PTPRN2: variants seen among roughly 807,000 people sequenced by gnomAD.
The protein encoded by PTPRN2 is receptor-type tyrosine-protein phosphatase N2.
A neutral mutation model predicts 118.8 loss-of-function variants in PTPRN2; 74 were observed. The ratio of observed to expected loss-of-function variants is 0.62; its 90% CI spans 0.52 to 0.76. The LOEUF (loss-of-function observed/expected upper bound fraction) is 0.76. Among genes scored for constraint, PTPRN2 ranks in the 30% least tolerant of loss-of-function variants. PTPRN2 has a pLI of 0.00. For missense variants in PTPRN2, 1,481 were observed against 1,394.4 expected (o/e 1.06, Z -0.99); for synonymous variants, 641 against 608.0 (o/e 1.05, Z -0.80).
At chr7:158,070,179 C>G (rs1298010227) in intron 11 of PTPRN2, among the ~76,000 whole-genome samples, 1 of 152,228 alleles carries the variant, frequency 6.6e-6, no homozygotes, top group Non-Finnish European at 1.5e-5. Context: ...CATCCAAAAG[C>G]AGGGACTGAC....
rs188542531 is a variant in PTPRN2 at position 157,611,100 on chromosome 7, C to T, written c.2345-7025G>A. The stretch of plus-strand genomic sequence containing the variant: ...AATAACCGAGCGCGAGGCTGGTGTC[C>T]GGCTTCCACACTGGACGCGTCAAAA... On this transcript the variant is annotated intron_variant, in intron 15 of 22. Transcript: ENST00000389418. The surrounding 1 kb of genome is among the most constrained non-coding windows in gnomAD (Gnocchi z 5.9). Among the ~76,000 whole-genome samples, 28 of 152,314 alleles carry T rather than the reference C, an allele frequency of 1.8e-4. 1 individual carries two copies. The highest frequency in any genetic ancestry group is 2.6e-4 in the Non-Finnish European group (18 of 68,030).
chr7:158,058,606 T>C (rs1355718677), intron 11 of PTPRN2, among the ~76,000 whole-genome samples: 3 of 85,788 alleles, frequency 3.5e-5, no homozygotes, highest in Admixed American at 2.2e-4. Flanking sequence ...GCAGCCACAC[T>C]CCATCTGCCC....
At chr7:157,667,891 G>T (rs1273878029) in intron 13 of PTPRN2, among the ~76,000 whole-genome samples, 1 of 152,234 alleles carries the variant, frequency 6.6e-6, no homozygotes, top group Non-Finnish European at 1.5e-5. Flanking sequence ...CTGGAACTGT[G>T]AGTGTGAGCC....
intron 2 of PTPRN2, among the ~76,000 whole-genome samples, chr7:158,332,366 C>T: frequency 8.8e-6 from 1 of 113,230 alleles, no homozygotes; most frequent in Non-Finnish European, 2.0e-5. Context: ...CACACTCTCA[C>T]CATAAGAGGT....
chr7:158,332,122 C>G, intron 2 of PTPRN2, among the ~76,000 whole-genome samples: 1 of 150,158 alleles, frequency 6.7e-6, no homozygotes, highest in East Asian at 1.9e-4. Flanking sequence ...AGGTCACTCA[C>G]ACCCATACTC....
intron 3 of PTPRN2, among the ~76,000 whole-genome samples, chr7:158,310,110 G>A (rs1181453002): frequency 2.6e-5 from 4 of 152,154 alleles, no homozygotes; most frequent in Non-Finnish European, 5.9e-5. Flanking sequence ...TGTGATTTTT[G>A]TGACAGCAAC....
rs1006415713 is a variant in PTPRN2, at chr7:157,729,682, G to A, written c.1789-46745C>T. Among the ~76,000 whole-genome samples the A allele has an allele frequency of 2.0e-5, 3 of 152,262 alleles. No individual in the cohort carries two copies. The highest frequency in any genetic ancestry group is 1.3e-4 in the Admixed American group (2 of 15,292). On this transcript the variant is annotated intron_variant, in intron 12 of 22. Transcript: ENST00000389418. The surrounding 1 kb of genome is among the most constrained non-coding windows in gnomAD (Gnocchi z 4.3). ...CCTGCAGGGAGGTCCTGGGAGGGTC[G>A]CTAGGGTGAGGACGCTGAGAGCCCA...
At chr7:157,771,215 C>T (rs1802782988) in intron 12 of PTPRN2, among the ~76,000 whole-genome samples, 1 of 152,312 alleles carries the variant, frequency 6.6e-6, no homozygotes, top group East Asian at 1.9e-4. Flanking sequence ...CTCTTTGGGG[C>T]GAGCCCTCCA....
At chr7:157,928,098 C>T (rs888893104) in intron 11 of PTPRN2, among the ~76,000 whole-genome samples, 2 of 152,142 alleles carry the variant, frequency 1.3e-5, no homozygotes, top group Non-Finnish European at 2.9e-5. Flanking sequence ...TGCACTGTTG[C>T]AGCACTTTAT....
chr7:158,056,549 C>T lies in PTPRN2; in HGVS notation c.1723+24749G>A, dbSNP rs73748007. The stretch of plus-strand genomic sequence containing the variant: ...CAGGAGAAGCCCCTGAAAGGGTGCT[C>T]GGTTTGACGATGGGATGTTTTCGTG... On this transcript the variant is annotated intron_variant, in intron 11 of 22. Transcript: ENST00000389418. Among the ~76,000 whole-genome samples the T allele has an allele frequency of 1.6e-3, 238 of 152,352 alleles. 2 individuals are homozygous for T. Among genetic ancestry groups the T allele is most frequent in the African/African-American group, 4.8e-3 (200 of 41,570 alleles).
intron 12 of PTPRN2, among the ~76,000 whole-genome samples, chr7:157,789,765 T>C (rs1176270814): frequency 6.7e-6 from 1 of 148,604 alleles, no homozygotes; most frequent in Non-Finnish European, 1.5e-5. Context: ...GGGGTATATG[T>C]GTGGTGTGTG....
intron 6 of PTPRN2, among the ~76,000 whole-genome samples, chr7:158,164,952 C>T (rs9691947): frequency 0.15 from 21,080 of 144,424 alleles, 1,748 homozygotes; most frequent in African/African-American, 0.25. Context: ...TCGGCAGCTA[C>T]ACGGACCCAA....
chr7:158,147,327 C>T (rs554422405), intron 6 of PTPRN2, among the ~76,000 whole-genome samples: 1 of 112,288 alleles, frequency 8.9e-6, no homozygotes, highest in Non-Finnish European at 1.8e-5. Flanking sequence ...CGTGTCTTTC[C>T]CCCTCACCGA....
In PTPRN2 at chr7:157,550,828, C is replaced by T. The variant is rs183184405; in HGVS notation, c.2903-1809G>A. Among the ~76,000 whole-genome samples the T allele has an allele frequency of 3.3e-5, 5 of 152,286 alleles. No homozygotes were observed. The East Asian group carries it at 7.7e-4, about 24-fold the overall frequency. On this transcript the variant is annotated intron_variant, in intron 21 of 22. Transcript: ENST00000389418. This position sits in a 1 kb window ranked among gnomAD's most constrained non-coding sequence, Gnocchi z 5.2. ...CGGGTGGAAGGCGGGGTCAGGTGCA[C>T]GGGTTTGCTTAATTGCTCCTTTTGG...
intron 11 of PTPRN2, among the ~76,000 whole-genome samples, chr7:157,927,247 C>T (rs1269654375): frequency 4.2e-5 from 3 of 70,640 alleles, no homozygotes; most frequent in Non-Finnish European, 5.3e-5. Flanking sequence ...AGAGGCCTCG[C>T]GTCTTCTGGG....
At chr7:158,521,181 A>G (rs1348485195) in intron 1 of PTPRN2, among the ~76,000 whole-genome samples, 10 of 152,110 alleles carry the variant, frequency 6.6e-5, no homozygotes, top group Admixed American at 6.6e-4. Flanking sequence ...TTGTTATTTT[A>G]TATTTTTTTC....
rs895825262 is a variant in PTPRN2, at chr7:157,986,170, C to T, written c.1724-87433G>A. On this transcript the variant is annotated intron_variant, in intron 11 of 22. Coordinates refer to ENST00000389418, the MANE Select transcript of PTPRN2 (RefSeq NM_002847.5). The surrounding 1 kb of genome is among the most constrained non-coding windows in gnomAD (Gnocchi z 4.5). ...ATACCCTCATCTACAGCCCCGCTCT[C>T]GTATGTCCGGGGGAAGCTATGGAGA... Among the ~76,000 whole-genome samples the T allele has an allele frequency of 2.0e-5, 3 of 152,142 alleles. No individual in the cohort carries two copies. The highest frequency in any genetic ancestry group is 2.4e-5 in the African/African-American group (1 of 41,428).
At chr7:158,127,099 G>A (rs1817752119) in intron 9 of PTPRN2, among the ~76,000 whole-genome samples, 1 of 152,184 alleles carries the variant, frequency 6.6e-6, no homozygotes, top group South Asian at 2.1e-4. Context: ...GCATTGAGAG[G>A]CATCGGAGAG....
chr7:157,723,483 C>T (rs1012184662), intron 12 of PTPRN2, among the ~76,000 whole-genome samples: 17 of 152,242 alleles, frequency 1.1e-4, no homozygotes, highest in African/African-American at 3.6e-4. Context: ...CCTCTCCCCA[C>T]ACCAGCATGT....
Sources: allele counts gnomAD v4.1 joint callset (sites outside exome capture counted in the v4.1 genomes callset), GRCh38; gene constraint gnomAD v4.1.1; non-coding constraint Gnocchi (gnomAD v3.1); transcripts MANE v1.5; gene names NCBI Gene and HGNC (gene_info 2026-07-23, HGNC 2026-07-21).